The following STK3 variants were observed in gnomAD, a reference collection of about 807,000 sequenced individuals.
The protein encoded by STK3 is serine/threonine kinase 3, also known as serine/threonine-protein kinase 3.
In STK3, 41 loss-of-function variants were observed where a neutral mutation model predicts 58.0. That is an observed-to-expected ratio of 0.71 (90% CI 0.55 to 0.92). STK3 has a LOEUF of 0.92. Ranked by LOEUF, STK3 falls within the 40% of genes least tolerant of loss-of-function variation. The probability of loss-of-function intolerance (pLI) is 0.00; values close to 1 mark genes in which losing one functional copy is unlikely to be tolerated. For synonymous variants in STK3, 170 were observed against 191.0 expected (o/e 0.89, Z 0.91); for missense variants, 479 against 602.7 (o/e 0.79, Z 2.15).
rs116939084 is a variant in STK3, at chr8:98,755,061, G to A, written c.237-5671C>T. Among the ~76,000 whole-genome samples the A allele has an allele frequency of 4.1e-3, 624 of 152,210 alleles. 25 individuals carry two copies. The East Asian group carries it at 0.093, about 23-fold the overall frequency. On this transcript the variant is annotated intron_variant, in intron 3 of 10. Transcript: ENST00000419617. ...AGTCAAGAGAAAACTTTGGCAAAAC[G>A]TAAAATTCTCTTCAAAAAAATAATT... is the stretch of plus-strand genomic sequence containing the variant.
At chr8:98,810,110 G>A (rs555518331) in intron 1 of STK3, among the ~76,000 whole-genome samples, 22 of 152,236 alleles carry the variant, frequency 1.4e-4, no homozygotes, top group African/African-American at 4.8e-4. Context: ...CAGATCTCGT[G>A]AGAACCCTAT....
At chr8:98,708,490 A>G (rs1052802196) in intron 4 of STK3, among the ~76,000 whole-genome samples, 2 of 152,132 alleles carry the variant, frequency 1.3e-5, no homozygotes, top group Non-Finnish European at 2.9e-5. Context: ...TCAGAGAAAG[A>G]TTAGGAAAAT....
intron 4 of STK3, among the ~76,000 whole-genome samples, chr8:98,729,982 T>TA: frequency 6.6e-6 from 1 of 152,336 alleles, no homozygotes; most frequent in East Asian, 1.9e-4. Flanking sequence ...TAATAGTTCT[T>TA]ACCTCATAGA....
At chr8:98,509,844 AT>A (rs1824367854) in intron 10 of STK3, among the ~76,000 whole-genome samples, 1 of 152,040 alleles carries the variant, frequency 6.6e-6, no homozygotes, top group South Asian at 2.1e-4. Flanking sequence ...AATAACAAAG[AT>A]GTGAAAATCT....
At chr8:98,377,625 C>T (rs1817688746) in intron 2 of STK3, among the ~76,000 whole-genome samples, 1 of 152,010 alleles carries the variant, frequency 6.6e-6, no homozygotes, top group Non-Finnish European at 1.5e-5. Context: ...TTAAACCATC[C>T]AGCACTGTGA....
intron 8 of STK3, among the ~76,000 whole-genome samples, chr8:98,573,604 C>T (rs1813141611): frequency 6.6e-6 from 1 of 151,914 alleles, no homozygotes; most frequent in South Asian, 2.1e-4. Flanking sequence ...CCTCCCAAAT[C>T]TCATGTCCTC....
chr8:98,501,703 T>G (rs113422993), intron 10 of STK3, among the ~76,000 whole-genome samples: 5,779 of 152,304 alleles, frequency 0.038, 162 homozygotes, highest in Non-Finnish European at 0.054. Flanking sequence ...TTGCCAAAGA[T>G]CAGATGGTTG....
chr8:98,427,950 C>A (rs1416467702), intron 3 of STK3: 2 of 1,470,544 alleles, frequency 1.4e-6, no homozygotes, highest in Admixed American at 5.0e-5. Flanking sequence ...GTAGCGCCCC[C>A]GCGCGGCGCG....
At chr8:98,632,777 T>C (rs1819355711) in intron 6 of STK3, among the ~76,000 whole-genome samples, 2 of 152,188 alleles carry the variant, frequency 1.3e-5, no homozygotes, top group Admixed American at 1.3e-4. Context: ...CGTATTTTGA[T>C]TTCATTCATG....
At chr8:98,721,232 TC>T in intron 4 of STK3, 1 of 452,220 alleles carries the variant, frequency 2.2e-6, no homozygotes, top group East Asian at 1.5e-4. Flanking sequence ...AAAGTAAGTT[TC>T]AAATCACTAA....
intron 10 of STK3, among the ~76,000 whole-genome samples, chr8:98,501,173 T>G (rs916473725): frequency 1.3e-5 from 2 of 152,066 alleles, no homozygotes; most frequent in Non-Finnish European, 2.9e-5. Context: ...ATGATGAGTA[T>G]TTTTTCATGT....
intron 1 of STK3, among the ~76,000 whole-genome samples, chr8:98,919,225 A>T (rs1370335663): frequency 6.6e-6 from 1 of 152,176 alleles, no homozygotes; most frequent in African/African-American, 2.4e-5. Flanking sequence ...TAGAAGAGGG[A>T]CATTTTGAGG....
chr8:98,795,398 A>G (rs538629802), intron 1 of STK3, among the ~76,000 whole-genome samples: 1 of 151,594 alleles, frequency 6.6e-6, no homozygotes, highest in African/African-American at 2.4e-5. Flanking sequence ...ACCTCAAAAC[A>G]GTAAGAGCCA....
intron 6 of STK3, among the ~76,000 whole-genome samples, chr8:98,613,997 C>T (rs913390548): frequency 2.0e-5 from 3 of 151,962 alleles, no homozygotes; most frequent in African/African-American, 7.3e-5. Flanking sequence ...GAAAATATAA[C>T]AAGCACTAAT....
At chr8:98,474,147 A>G (rs1203450738) in intron 10 of STK3, among the ~76,000 whole-genome samples, 1 of 152,158 alleles carries the variant, frequency 6.6e-6, no homozygotes, top group Non-Finnish European at 1.5e-5. Context: ...ACTTACCAAG[A>G]TATGTCAAAT....
Position 98,548,601 on chromosome 8 carries a change from C to T in STK3, c.949-440G>A, listed in dbSNP as rs547561288. ...TTCTTTTAAATTATGGCAAAATATA[C>T]AAATACATATATATAAAATTCACCA... On this transcript the variant is annotated intron_variant, in intron 8 of 10. Coordinates refer to ENST00000419617, the MANE Select transcript of STK3 (RefSeq NM_006281.4). 1.2e-3 allele frequency among the ~76,000 whole-genome samples: 187 copies of T among 152,120 alleles called. 1 individual carries two copies. The highest frequency in any genetic ancestry group is 4.2e-3 in the African/African-American group (175 of 41,518).
chr8:98,898,252 C>T (rs1207441809), intron 1 of STK3, among the ~76,000 whole-genome samples: 1 of 152,176 alleles, frequency 6.6e-6, no homozygotes, highest in Non-Finnish European at 1.5e-5. Flanking sequence ...GTGTGACTAC[C>T]CTTCTCTGTG....
At chr8:98,850,479 C>T (rs558284320) in intron 3 of STK3, among the ~76,000 whole-genome samples, 2 of 152,282 alleles carry the variant, frequency 1.3e-5, no homozygotes, top group African/African-American at 4.8e-5. Context: ...AAGGTAAGCT[C>T]ATGGGGCTTA....
chr8:98,826,261 G>A (rs1200462000), upstream of STK3, among the ~76,000 whole-genome samples: 1 of 152,158 alleles, frequency 6.6e-6, no homozygotes, highest in Non-Finnish European at 1.5e-5. Context: ...CACTGCCCAC[G>A]CTTCCCTCTC....
Sources: allele counts gnomAD v4.1 joint callset (sites outside exome capture counted in the v4.1 genomes callset), GRCh38; gene constraint gnomAD v4.1.1; transcripts MANE v1.5; gene names NCBI Gene and HGNC (gene_info 2026-07-23, HGNC 2026-07-21).